The following MSN variants were observed in gnomAD, a reference collection of about 807,000 sequenced individuals.
The protein encoded by MSN is epididymis luminal protein 70.
MSN carries 2 observed loss-of-function variants against 48.0 expected under a neutral mutation model. That is an observed-to-expected ratio of 0.04 (90% confidence interval 0.02 to 0.13). The LOEUF (loss-of-function observed/expected upper bound fraction) is 0.13, where lower values mean the gene tolerates loss of function less well. Among genes scored for constraint, MSN ranks in the 10% least tolerant of loss-of-function variants. The pLI, the probability that MSN is intolerant of heterozygous loss-of-function variation, is 1.00. For synonymous variants in MSN, 146 were observed against 166.9 expected (o/e 0.87, Z 0.97); for missense variants, 267 against 470.1 (o/e 0.57, Z 3.99).
chrX:65,724,800 C>T (rs1219515586), intron 2 of MSN, among the ~76,000 whole-genome samples: 1 of 111,087 alleles, frequency 9.0e-6, no homozygotes, highest in African/African-American at 3.3e-5. Flanking sequence ...TATTCTTCTG[C>T]CTCAGCCTCC....
chrX:65,738,881 C>A, intron 11 of MSN, 89 bp from the exon 12 acceptor site: 2 of 960,750 alleles, frequency 2.1e-6, no homozygotes, highest in Non-Finnish European at 2.9e-6. Context: ...CTGGTGCCTG[C>A]CTCTTGCCAG....
At chrX:65,604,974 C>T (rs1328255544) in intron 1 of MSN, among the ~76,000 whole-genome samples, 1 of 111,997 alleles carries the variant, frequency 8.9e-6, no homozygotes, top group African/African-American at 3.2e-5. Context: ...TATGTCATTC[C>T]TCTGTTCGCA....
chrX:65,654,710 G>C (rs751632279), intron 1 of MSN, among the ~76,000 whole-genome samples: 2 of 111,279 alleles, frequency 1.8e-5, no homozygotes, highest in Non-Finnish European at 3.8e-5. Flanking sequence ...AGGCATATAC[G>C]TATGAATAAA....
At chrX:65,658,724 G>A (rs2070799963) in intron 1 of MSN, among the ~76,000 whole-genome samples, 1 of 111,863 alleles carries the variant, frequency 8.9e-6, no homozygotes, top group Non-Finnish European at 1.9e-5. Context: ...TTAGATCTAG[G>A]ATGGGAACAA....
intron 1 of MSN, among the ~76,000 whole-genome samples, chrX:65,641,122 A>C (rs1202956572): frequency 9.0e-6 from 1 of 111,289 alleles, no homozygotes; most frequent in African/African-American, 3.3e-5. Flanking sequence ...ATAAATAAAT[A>C]AATCTTGGCA....
chrX:65,716,760 C>T, intron 1 of MSN, 58 bp from the exon 2 acceptor site: 1 of 1,059,637 alleles, frequency 9.4e-7, no homozygotes, highest in African/African-American at 1.8e-5. Flanking sequence ...ACACTTGTCT[C>T]AGGCTCTGTT....
intron 1 of MSN, among the ~76,000 whole-genome samples, chrX:65,700,554 T>TG (rs2071292189): frequency 9.0e-6 from 1 of 111,126 alleles, no homozygotes; most frequent in South Asian, 3.8e-4. Context: ...GGGGAGCCCT[T>TG]TGGGTCAGCC....
At chrX:65,729,924 C>G (rs2147512017) in intron 4 of MSN, among the ~76,000 whole-genome samples, 1 of 112,557 alleles carries the variant, frequency 8.9e-6, no homozygotes, top group East Asian at 2.8e-4. Flanking sequence ...TTTGTTTTCC[C>G]TCTGTCTACC....
intron 1 of MSN, among the ~76,000 whole-genome samples, chrX:65,633,455 A>C (rs1298114000): frequency 8.9e-6 from 1 of 112,246 alleles, no homozygotes; most frequent in Non-Finnish European, 1.9e-5. Context: ...ACACTTAATT[A>C]ATCACATCTC....
intron 1 of MSN, among the ~76,000 whole-genome samples, chrX:65,648,402 A>T (rs1272889253): frequency 1.8e-5 from 2 of 110,229 alleles, no homozygotes; most frequent in African/African-American, 6.6e-5. Flanking sequence ...AAAATACAAA[A>T]ATTAGCCGGG....
At chrX:65,672,183 G>A (rs755848494) in intron 1 of MSN, among the ~76,000 whole-genome samples, 4 of 112,241 alleles carry the variant, frequency 3.6e-5, no homozygotes, top group Non-Finnish European at 7.5e-5. Flanking sequence ...GGTCCCCAGA[G>A]GGGAGAATAT....
chrX:65,722,888 C>G (rs1185678411), intron 2 of MSN, among the ~76,000 whole-genome samples: 1 of 111,153 alleles, frequency 9.0e-6, no homozygotes, highest in Non-Finnish European at 1.9e-5. Flanking sequence ...CTCTGGGCTC[C>G]TAAGCTGACC....
Position 65,739,807 on chromosome X carries a change from C to G in MSN, c.1648C>G (p.Arg550Gly). 1 of 1,211,093 alleles carries G rather than the reference C, an allele frequency of 8.3e-7. No homozygotes were observed. The highest frequency in any genetic ancestry group is 2.2e-5 in the Admixed American group (1 of 46,003). ...ANDMIHAENM[R>G]LGRDKYKTLR... ...TGACATGATCCATGCTGAGAACATGCGACTGGGCCGAGACAAATACAAGAC... is the reference window on the plus strand; with the variant it reads ...TGACATGATCCATGCTGAGAACATGGGACTGGGCCGAGACAAATACAAGAC... Residue 550 changes from arginine (R) to glycine (G), a missense_variant, in exon 13 of 13, where the codon CGA becomes GGA. Transcript: ENST00000360270.
At chrX:65,670,770 C>T (rs1207512428) in intron 1 of MSN, among the ~76,000 whole-genome samples, 1 of 101,287 alleles carries the variant, frequency 9.9e-6, no homozygotes, top group Non-Finnish European at 2.0e-5. Flanking sequence ...CACTACCCAC[C>T]GCCACCCTTG....
At chrX:65,648,232 G>T (rs1012839435) in intron 1 of MSN, among the ~76,000 whole-genome samples, 1 of 111,955 alleles carries the variant, frequency 8.9e-6, no homozygotes, top group Non-Finnish European at 1.9e-5. Flanking sequence ...GGGTTTTTGA[G>T]GCCTGGAGTG....
intron 1 of MSN, among the ~76,000 whole-genome samples, chrX:65,700,114 T>C (rs2071287250): frequency 8.9e-6 from 1 of 112,165 alleles, no homozygotes; most frequent in Non-Finnish European, 1.9e-5. Flanking sequence ...GGTTGGATAA[T>C]GGCATTGCAG....
intron 7 of MSN, 92 bp downstream of exon 7, chrX:65,733,372 A>G: frequency 1.3e-6 from 1 of 746,877 alleles, no homozygotes; most frequent in Non-Finnish European, 2.1e-6. Flanking sequence ...TCCTTTTCTG[A>G]TGTGTTTGTG....
intron 1 of MSN, among the ~76,000 whole-genome samples, chrX:65,592,093 C>A (rs2070151516): frequency 1.8e-5 from 2 of 108,529 alleles, no homozygotes; most frequent in Non-Finnish European, 3.8e-5. Context: ...CTCCTTAGAG[C>A]TGTAAGAAGG....
chrX:65,681,238 A>G (rs1239002447), intron 1 of MSN, among the ~76,000 whole-genome samples: 1 of 111,338 alleles, frequency 9.0e-6, no homozygotes, highest in Non-Finnish European at 1.9e-5. Flanking sequence ...TGCCCACTGT[A>G]CTTTGTAAGA....
Sources: allele counts gnomAD v4.1 joint callset (sites outside exome capture counted in the v4.1 genomes callset), GRCh38; gene constraint gnomAD v4.1.1; transcripts MANE v1.5; gene names NCBI Gene and HGNC (gene_info 2026-07-23, HGNC 2026-07-21).